The following RORA variants were observed in gnomAD, a reference collection of about 807,000 sequenced individuals.
The protein encoded by RORA is RAR related orphan receptor A.
RORA carries 7 observed loss-of-function variants against 69.5 expected under a neutral mutation model. The observed-to-expected ratio is 0.10, with a 90% confidence interval of 0.06 to 0.19. The LOEUF is 0.19. RORA is among the 10% of genes least tolerant of loss of function. The pLI, the probability that RORA is intolerant of heterozygous loss-of-function variation, is 1.00. For missense variants in RORA, 457 were observed against 663.0 expected (o/e 0.69, Z 3.41); for synonymous variants, 261 against 240.8 (o/e 1.08, Z -0.78).
At chr15:60,825,866 C>T (rs959481713) in intron 1 of RORA, among the ~76,000 whole-genome samples, 2 of 152,206 alleles carry the variant, frequency 1.3e-5, no homozygotes, top group Non-Finnish European at 2.9e-5. Flanking sequence ...TCCAGAATAA[C>T]ATGAAGAGTA....
At chr15:61,005,648 G>C (rs1894888267) in intron 1 of RORA, among the ~76,000 whole-genome samples, 1 of 151,894 alleles carries the variant, frequency 6.6e-6, no homozygotes, top group African/African-American at 2.4e-5. Context: ...TCCATACAAT[G>C]CTTATGTTCT....
chr15:60,694,415 T>A (rs943439791), intron 1 of RORA, among the ~76,000 whole-genome samples: 1 of 152,214 alleles, frequency 6.6e-6, no homozygotes, highest in African/African-American at 2.4e-5. Context: ...GTGGTCTCCA[T>A]GCCTTGCAGC....
chr15:60,936,462 C>T (rs547118528), intron 1 of RORA, among the ~76,000 whole-genome samples: 1 of 152,252 alleles, frequency 6.6e-6, no homozygotes. Context: ...ACACCTGTCA[C>T]ACCTTCAGCC....
At position 61,119,068 on chromosome 15, in the gene RORA, T is replaced by C. The variant is rs562066130; in HGVS notation, c.166+109985A>G. 3.3e-3 allele frequency among the ~76,000 whole-genome samples: 278 copies of C among 84,412 alleles called. 1 individual carries two copies. Among genetic ancestry groups the C allele is most frequent in the African/African-American group, 0.012 (270 of 21,798 alleles). The allele number at this position is 84,412 out of a possible 152,430, so 55.4% of individuals were successfully genotyped here. A position where few individuals can be genotyped will look rare whatever the true frequency, so the allele number is the denominator to read the frequency against. Reference sequence around the variant, plus strand: ...GAGCTGGGTGTTGAAGTCGGGAAGATGCAGTTAACAGAAGGGGGGGGGGGG... The same window carrying C: ...GAGCTGGGTGTTGAAGTCGGGAAGACGCAGTTAACAGAAGGGGGGGGGGGG... On this transcript the variant is annotated intron_variant, in intron 1 of 10. Coordinates refer to ENST00000335670, the MANE Select transcript of RORA (RefSeq NM_134261.3).
chr15:60,503,644 C>A lies in RORA; in HGVS notation c.966G>T (p.Leu322Phe). 1 of 1,614,010 alleles carries A rather than the reference C, an allele frequency of 6.2e-7. No individual in the cohort carries two copies. The highest frequency in any genetic ancestry group is 8.5e-7 in the Non-Finnish European group (1 of 1,180,004). The change falls in exon 7 of 11, where the codon TTG (leucine) becomes TTT (phenylalanine). Residue 322 changes from leucine to phenylalanine, a missense_variant. Physicochemically the swap from Leu to Phe is conservative, Grantham distance 22. This residue lies in a region of RORA where 304 missense variants were observed against 447.4 expected (regional missense o/e 0.68). Coordinates refer to ENST00000335670, the MANE Select transcript of RORA (RefSeq NM_134261.3). ...TAGCTTCTGTAATTTTGATGGCACA[C>A]AATTGCCACATCACCTCCCGCTGCT... The part of the protein sequence containing the change: ...QNKQREVMWQ[L>F]CAIKITEAIQ...
chr15:60,837,316 G>GA (rs1468228437), intron 1 of RORA, among the ~76,000 whole-genome samples: 1 of 152,006 alleles, frequency 6.6e-6, no homozygotes, highest in Non-Finnish European at 1.5e-5. Context: ...AACTGACTAG[G>GA]AAAAAAATGA....
intron 2 of RORA, chr15:60,558,383 C>A (rs1313071651): frequency 5.7e-6 from 5 of 878,182 alleles, no homozygotes; most frequent in Non-Finnish European, 7.4e-6. Context: ...TTGTTTATTA[C>A]AAAACAGGAA....
intron 1 of RORA, among the ~76,000 whole-genome samples, chr15:61,074,036 G>A (rs2078409940): frequency 6.6e-6 from 1 of 152,158 alleles, no homozygotes; most frequent in Non-Finnish European, 1.5e-5. Context: ...GGGCTTCAGT[G>A]GTTTTCTACT....
At chr15:60,528,502 A>C (rs1018144468) in intron 3 of RORA, 1 of 152,200 alleles carries the variant, frequency 6.6e-6, no homozygotes, top group African/African-American at 2.4e-5. Context: ...GTGGTCTTCT[A>C]TGTCTTTGGA....
chr15:60,506,679 C>T (rs922794884), intron 5 of RORA, among the ~76,000 whole-genome samples: 1 of 151,570 alleles, frequency 6.6e-6, no homozygotes, highest in Non-Finnish European at 1.5e-5. Flanking sequence ...ATGGTGAAAC[C>T]CTGTCTCTAT....
chr15:60,839,809 C>T (rs1784784283), intron 1 of RORA, among the ~76,000 whole-genome samples: 1 of 152,156 alleles, frequency 6.6e-6, no homozygotes, highest in Non-Finnish European at 1.5e-5. Context: ...GAAATAAAAT[C>T]CCATGCTTAT....
chr15:60,571,370 A>G (rs2140453773), intron 2 of RORA, among the ~76,000 whole-genome samples: 1 of 152,334 alleles, frequency 6.6e-6, no homozygotes, highest in African/African-American at 2.4e-5. Context: ...GCTCCAGTGC[A>G]TATGAGTCCT....
chr15:60,503,115 C>T (rs1866006), intron 7 of RORA, among the ~76,000 whole-genome samples: 125,094 of 152,190 alleles, frequency 0.82, 52,806 homozygotes, highest in East Asian at 0.95. Context: ...AAATTACTTC[C>T]TTAGCACTCT....
intron 1 of RORA, among the ~76,000 whole-genome samples, chr15:61,048,148 C>T (rs1897124120): frequency 6.6e-6 from 1 of 152,188 alleles, no homozygotes; most frequent in African/African-American, 2.4e-5. Flanking sequence ...TACTTCTTCC[C>T]TTTAAATTCT....
intron 10 of RORA, among the ~76,000 whole-genome samples, chr15:60,498,837 G>C (rs1222781191): frequency 6.7e-6 from 1 of 149,874 alleles, no homozygotes; most frequent in Non-Finnish European, 1.5e-5. Context: ...ACCCCTTTCT[G>C]GTCTAACATA....
At chr15:60,741,028 G>A (rs2071568956) in intron 1 of RORA, among the ~76,000 whole-genome samples, 1 of 152,188 alleles carries the variant, frequency 6.6e-6, no homozygotes, top group African/African-American at 2.4e-5. Context: ...ATTCTTCTTG[G>A]GCAGTGGCAA....
chr15:61,158,226 G>T (rs1387006210), intron 1 of RORA, among the ~76,000 whole-genome samples: 2 of 152,138 alleles, frequency 1.3e-5, no homozygotes, highest in East Asian at 3.9e-4. Context: ...TGACAGTGTG[G>T]AGTTTTCCAC....
At chr15:60,943,330 A>T (rs922757271) in intron 1 of RORA, among the ~76,000 whole-genome samples, 6 of 151,702 alleles carry the variant, frequency 4.0e-5, no homozygotes, top group Non-Finnish European at 8.8e-5. Flanking sequence ...TCACTTTTAA[A>T]GTTAGCTTAG....
chr15:61,164,877 C>T (rs1216227343), intron 1 of RORA, among the ~76,000 whole-genome samples: 1 of 152,116 alleles, frequency 6.6e-6, no homozygotes, highest in Non-Finnish European at 1.5e-5. Flanking sequence ...CCAAGAAGCA[C>T]CACAAAATTG....
Sources: gnomAD v4.1 joint callset for allele counts (sites outside exome capture counted in the v4.1 genomes callset) on GRCh38, gnomAD v4.1.1 for gene constraint, gnomAD v4.1.1 regional missense constraint, MANE v1.5 for transcripts, NCBI Gene and HGNC (gene_info 2026-07-23, HGNC 2026-07-21) for gene names.